The following NRP1 variants were observed in gnomAD, a reference collection of about 807,000 sequenced individuals.
NRP1 encodes the protein neuropilin-1.
In NRP1, 35 loss-of-function variants were observed where a neutral mutation model predicts 106.7. That is an observed-to-expected ratio of 0.33 (90% confidence interval 0.25 to 0.43). The LOEUF (loss-of-function observed/expected upper bound fraction) is 0.43. Among genes scored for constraint, NRP1 ranks in the 20% least tolerant of loss-of-function variants. NRP1 has a pLI of 1.00. For synonymous variants in NRP1, 437 were observed against 417.9 expected (o/e 1.05, Z -0.56); for missense variants, 1,024 against 1,170.4 (o/e 0.87, Z 1.83).
intron 6 of NRP1, among the ~76,000 whole-genome samples, chr10:33,239,639 C>T (rs1032777103): frequency 4.6e-5 from 7 of 152,230 alleles, no homozygotes; most frequent in Non-Finnish European, 1.0e-4. Flanking sequence ...GCTAGGTCCA[C>T]ACTGTGTGAA....
intron 6 of NRP1, among the ~76,000 whole-genome samples, chr10:33,246,957 A>G (rs1841473820): frequency 6.6e-6 from 1 of 152,162 alleles, no homozygotes; most frequent in Admixed American, 6.5e-5. Flanking sequence ...CAATTTGGTG[A>G]AAAAAATCAA....
At chr10:33,249,094 T>TTTTG (rs1841651080) in intron 6 of NRP1, among the ~76,000 whole-genome samples, 1 of 146,960 alleles carries the variant, frequency 6.8e-6, no homozygotes, top group Non-Finnish European at 1.5e-5. Flanking sequence ...GTTTTTTTTT[T>TTTTG]TTTTTTTTTT....
chr10:33,306,356 GTGT>G (rs1453195569), intron 2 of NRP1, among the ~76,000 whole-genome samples: 5 of 3,926 alleles, frequency 1.3e-3, no homozygotes, highest in African/African-American at 2.5e-3. Flanking sequence ...GGTCAGAAGG[GTGT>G]GTGTGTGTGT....
rs2239659 is a variant in NRP1 at position 33,264,664 on chromosome 10, G to A, written c.431-791C>T. The stretch of plus-strand genomic sequence containing the variant: ...TTTTAATGACTGTTCAGTACCACCA[G>A]GACTTTACAAATTATGGTGATTTGT... On this transcript the variant is annotated intron_variant, in intron 3 of 16. Coordinates refer to ENST00000374867, the MANE Select transcript of NRP1 (RefSeq NM_003873.7). 4.7e-3 allele frequency among the ~76,000 whole-genome samples: 709 copies of A among 152,270 alleles called. 5 individuals are homozygous for A. The highest frequency in any genetic ancestry group is 0.039 in the East Asian group (204 of 5,180).
chr10:33,333,481 C>A (rs967165345), intron 1 of NRP1, among the ~76,000 whole-genome samples: 3 of 152,090 alleles, frequency 2.0e-5, no homozygotes, highest in South Asian at 4.1e-4. Context: ...GAAATCTAAG[C>A]CAGACAAAAG....
chr10:33,264,549 G>A (rs964972091), intron 3 of NRP1, among the ~76,000 whole-genome samples: 8 of 152,174 alleles, frequency 5.3e-5, no homozygotes, highest in African/African-American at 1.2e-4. Flanking sequence ...AACCTTCCCC[G>A]AAGTATCAGA....
At chr10:33,278,820 GT>G (rs1843901365) in intron 2 of NRP1, among the ~76,000 whole-genome samples, 1 of 152,086 alleles carries the variant, frequency 6.6e-6, no homozygotes, top group Admixed American at 6.5e-5. Flanking sequence ...TTAAGCTTTT[GT>G]AATGTCTCAG....
chr10:33,295,598 A>G (rs901091168), intron 2 of NRP1, among the ~76,000 whole-genome samples: 2 of 152,040 alleles, frequency 1.3e-5, no homozygotes, highest in African/African-American at 4.8e-5. Context: ...AGTCCCAGCT[A>G]CTTGGGAGGC....
At chr10:33,200,491 G>A (rs888899452) in intron 11 of NRP1, among the ~76,000 whole-genome samples, 1 of 152,128 alleles carries the variant, frequency 6.6e-6, no homozygotes, top group Admixed American at 6.5e-5. Context: ...ATACAAGTAG[G>A]TCACCCCAGG....
At chr10:33,280,432 T>G (rs960052703) in intron 2 of NRP1, among the ~76,000 whole-genome samples, 2 of 152,180 alleles carry the variant, frequency 1.3e-5, no homozygotes, top group Non-Finnish European at 2.9e-5. Context: ...CATGTAAAAC[T>G]GTGCCATCTG....
chr10:33,189,705 C>T (rs1208571130), intron 13 of NRP1, among the ~76,000 whole-genome samples: 7 of 152,166 alleles, frequency 4.6e-5, no homozygotes, highest in African/African-American at 1.4e-4. Context: ...GGATGCCTTT[C>T]GATAAGCAGC....
At chr10:33,214,998 G>A (rs576797416) in intron 8 of NRP1, among the ~76,000 whole-genome samples, 18 of 152,026 alleles carry the variant, frequency 1.2e-4, no homozygotes, top group Non-Finnish European at 1.5e-4. Context: ...TTGTTAAAGC[G>A]GTAAATTTTA....
intron 2 of NRP1, among the ~76,000 whole-genome samples, chr10:33,305,223 T>C (rs745806581): frequency 4.6e-5 from 7 of 152,230 alleles, no homozygotes; most frequent in Non-Finnish European, 8.8e-5. Flanking sequence ...ACAAAAATGA[T>C]TTAAAAAATT....
intron 2 of NRP1, among the ~76,000 whole-genome samples, chr10:33,295,281 A>C (rs866576986): frequency 1.3e-5 from 2 of 152,206 alleles, no homozygotes; most frequent in South Asian, 4.1e-4. Context: ...CAGGAGTAAC[A>C]TGGATCTGAA....
At position 33,199,367 on chromosome 10, in the gene NRP1, C is replaced by T. The variant is rs2474721; in HGVS notation, c.1865-1658G>A. Among the ~76,000 whole-genome samples the T allele has an allele frequency of 3.3e-3, 176 of 54,148 alleles. 1 individual carries two copies. The highest frequency in any genetic ancestry group is 0.012 in the African/African-American group (157 of 13,616). The allele number at this position is 54,148 out of a possible 152,430, so 35.5% of individuals were successfully genotyped here. ...GTGCGCCACCATGCCTGGCTGTTTT[C>T]TATATATATATATATATATATATTT... On this transcript the variant is annotated intron_variant, in intron 11 of 16. Coordinates refer to ENST00000374867, the MANE Select transcript of NRP1 (RefSeq NM_003873.7).
chr10:33,284,468 C>T (rs945532549), intron 2 of NRP1, among the ~76,000 whole-genome samples: 5 of 152,144 alleles, frequency 3.3e-5, no homozygotes, highest in East Asian at 1.9e-4. Context: ...TACAATAAAA[C>T]AGGCCTTTTG....
rs1285424181 is a variant in NRP1, at chr10:33,225,723, T to C, written c.1137+411A>G. Among the ~76,000 whole-genome samples the C allele has an allele frequency of 4.6e-5, 7 of 152,256 alleles. No homozygotes were observed. In the East Asian group the frequency reaches 1.2e-3, roughly 25 times the overall value. On this transcript the variant is annotated intron_variant, in intron 7 of 16. Coordinates refer to ENST00000374867, the MANE Select transcript of NRP1 (RefSeq NM_003873.7). The stretch of plus-strand genomic sequence containing the variant: ...TAGTTTGTGAGCCACAGTAGATAGA[T>C]GAAAAGATGTTTTCTAAAACTAGCT...
chr10:33,323,043 C>T (rs1847629600), intron 2 of NRP1, among the ~76,000 whole-genome samples: 1 of 152,022 alleles, frequency 6.6e-6, no homozygotes, highest in African/African-American at 2.4e-5. Flanking sequence ...TGCTCATCCC[C>T]ATAATGGGCA....
At chr10:33,320,180 G>C (rs1020833129) in intron 2 of NRP1, among the ~76,000 whole-genome samples, 4 of 151,976 alleles carry the variant, frequency 2.6e-5, no homozygotes, top group Non-Finnish European at 5.9e-5. Context: ...GGGCGTGGTG[G>C]CGTGTGCCTG....
Sources: allele counts gnomAD v4.1 joint callset (sites outside exome capture counted in the v4.1 genomes callset), GRCh38; gene constraint gnomAD v4.1.1; transcripts MANE v1.5; gene names NCBI Gene and HGNC (gene_info 2026-07-23, HGNC 2026-07-21).